TMEM132B: variants seen among roughly 807,000 people sequenced by gnomAD.
TMEM132B encodes the protein transmembrane protein 132B.
A neutral mutation model predicts 90.8 loss-of-function variants in TMEM132B; 18 were observed. The ratio of observed to expected loss-of-function variants is 0.20; its 90% CI spans 0.14 to 0.29. The LOEUF (loss-of-function observed/expected upper bound fraction) is 0.29. Among genes scored for constraint, TMEM132B ranks in the 10% least tolerant of loss-of-function variants. The pLI is 1.00. For missense variants in TMEM132B, 1,096 were observed against 1,326.8 expected (o/e 0.83, Z 2.70); for synonymous variants, 504 against 523.3 (o/e 0.96, Z 0.50).
chr12:125,556,467 G>A (rs1438810239), intron 4 of TMEM132B, among the ~76,000 whole-genome samples: 1 of 152,164 alleles, frequency 6.6e-6, no homozygotes, highest in East Asian at 1.9e-4. Context: ...TATATGATTA[G>A]AAGAAAAACC....
chr12:125,429,648 T>C (rs1363593705), intron 3 of TMEM132B, among the ~76,000 whole-genome samples: 1 of 152,038 alleles, frequency 6.6e-6, no homozygotes, highest in Non-Finnish European at 1.5e-5. Flanking sequence ...TGGTCAGGGG[T>C]TGTATTGAAG....
At chr12:125,227,185 T>C (rs1005883851) in intron 1 of TMEM132B, among the ~76,000 whole-genome samples, 4 of 152,160 alleles carry the variant, frequency 2.6e-5, no homozygotes, top group Non-Finnish European at 5.9e-5. Flanking sequence ...CAGTGTTCTG[T>C]GCCACAGCAC....
At chr12:125,370,579 T>C (rs1013723575) in intron 2 of TMEM132B, among the ~76,000 whole-genome samples, 1 of 152,196 alleles carries the variant, frequency 6.6e-6, no homozygotes. Context: ...TTTCCTTCTT[T>C]CTTTTTTAAA....
rs146926335 is a variant in TMEM132B at position 125,229,149 on chromosome 12, C to T, written c.67+42283C>T. ...GGCCACCGCCCACCTCCGAGTTTCT[C>T]GTTAAGTAAATAACGCATGTCCTTA... On this transcript the variant is annotated intron_variant, in intron 1 of 8. Coordinates refer to ENST00000682704, the MANE Select transcript of TMEM132B (RefSeq NM_001366854.1). Among the ~76,000 whole-genome samples the T allele has an allele frequency of 4.2e-3, 638 of 152,276 alleles. 6 individuals carry two copies. Among genetic ancestry groups the T allele is most frequent in the East Asian group, 0.027 (142 of 5,188 alleles).
chr12:125,254,806 C>T (rs574325928), intron 1 of TMEM132B, among the ~76,000 whole-genome samples: 9 of 152,074 alleles, frequency 5.9e-5, no homozygotes, highest in African/African-American at 2.2e-4. Context: ...GCCTCAGCCT[C>T]CCAAGTAGCT....
At chr12:125,357,744 C>A (rs1877826719) in intron 2 of TMEM132B, among the ~76,000 whole-genome samples, 1 of 152,166 alleles carries the variant, frequency 6.6e-6, no homozygotes, top group Non-Finnish European at 1.5e-5. Context: ...TAAAGGAGAC[C>A]TTGATGGGGA....
intron 4 of TMEM132B, among the ~76,000 whole-genome samples, chr12:125,528,698 A>G (rs1883560549): frequency 6.6e-6 from 1 of 152,246 alleles, no homozygotes; most frequent in African/African-American, 2.4e-5. Context: ...CAAAAATCTC[A>G]GTATAACTTT....
intron 1 of TMEM132B, among the ~76,000 whole-genome samples, chr12:125,219,177 T>G (rs1029446932): frequency 6.6e-6 from 1 of 152,174 alleles, no homozygotes; most frequent in Non-Finnish European, 1.5e-5. Context: ...ATAGCCATGA[T>G]GGCGAGGTTT....
chr12:125,601,065 G>C (rs1041006246), intron 5 of TMEM132B, among the ~76,000 whole-genome samples: 6 of 152,152 alleles, frequency 3.9e-5, no homozygotes, highest in Admixed American at 6.5e-5. Context: ...CAACGAGACA[G>C]AAAGTTAAAA....
intron 1 of TMEM132B, among the ~76,000 whole-genome samples, chr12:125,260,284 T>C (rs752327261): frequency 2.6e-5 from 4 of 152,230 alleles, no homozygotes; most frequent in Non-Finnish European, 4.4e-5. Flanking sequence ...CTACTTGAAA[T>C]AGTTCCAGGG....
At chr12:125,413,632 C>A (rs932747193) in intron 2 of TMEM132B, among the ~76,000 whole-genome samples, 3 of 152,230 alleles carry the variant, frequency 2.0e-5, no homozygotes, top group Non-Finnish European at 4.4e-5. Flanking sequence ...TTTCACTCAG[C>A]ATCACGTTAT....
intron 1 of TMEM132B, among the ~76,000 whole-genome samples, chr12:125,322,280 G>A (rs147374034): frequency 0.011 from 1,638 of 152,364 alleles, 28 homozygotes; most frequent in African/African-American, 0.036. Flanking sequence ...CTGCCGCCAT[G>A]TAAGATGTGC....
At chr12:125,516,797 T>C (rs763544553) in intron 3 of TMEM132B, among the ~76,000 whole-genome samples, 10 of 152,330 alleles carry the variant, frequency 6.6e-5, no homozygotes, top group South Asian at 4.1e-4. Flanking sequence ...CGGGAGGTTT[T>C]GGAAGCAGCT....
chr12:125,624,715 A>G (rs1288531629), intron 5 of TMEM132B, among the ~76,000 whole-genome samples: 3 of 152,156 alleles, frequency 2.0e-5, no homozygotes, highest in East Asian at 3.9e-4. Flanking sequence ...TGTGTTCACG[A>G]TCTTACTAGA....
intron 2 of TMEM132B, among the ~76,000 whole-genome samples, chr12:125,361,507 C>T (rs326402): frequency 0.03 from 4,628 of 152,280 alleles, 238 homozygotes; most frequent in African/African-American, 0.11. Flanking sequence ...TTACTAGTCT[C>T]TTTTCCCAAA....
At chr12:125,447,190 A>G (rs895021488) in intron 3 of TMEM132B, among the ~76,000 whole-genome samples, 7 of 152,046 alleles carry the variant, frequency 4.6e-5, no homozygotes, top group Non-Finnish European at 8.8e-5. Context: ...GTTTATTTAC[A>G]CTTAATGTGA....
intron 1 of TMEM132B, among the ~76,000 whole-genome samples, chr12:125,317,350 G>T (rs922823846): frequency 1.3e-5 from 2 of 152,158 alleles, no homozygotes; most frequent in African/African-American, 4.8e-5. Flanking sequence ...AGGTGCATCT[G>T]TGTAAAAGGC....
At chr12:125,446,403 G>A (rs370938630) in intron 3 of TMEM132B, among the ~76,000 whole-genome samples, 1 of 152,032 alleles carries the variant, frequency 6.6e-6, no homozygotes, top group East Asian at 1.9e-4. Flanking sequence ...TAATAAAGTG[G>A]CCTACAGAAT....
intron 3 of TMEM132B, among the ~76,000 whole-genome samples, chr12:125,515,495 A>G (rs1382906577): frequency 7.3e-6 from 1 of 137,654 alleles, no homozygotes; most frequent in African/African-American, 2.5e-5. Context: ...ACTCACACAC[A>G]TACATTGACA....
Sources: gnomAD v4.1 joint callset for allele counts (sites outside exome capture counted in the v4.1 genomes callset) on GRCh38, gnomAD v4.1.1 for gene constraint, MANE v1.5 for transcripts, NCBI Gene and HGNC (gene_info 2026-07-23, HGNC 2026-07-21) for gene names.